The following PPFIA2 variants were observed in gnomAD, a reference collection of about 807,000 sequenced individuals.
PPFIA2 encodes the protein PPFI scaffold protein A2.
A neutral mutation model predicts 175.5 loss-of-function variants in PPFIA2; 46 were observed. That is an observed-to-expected ratio of 0.26 (90% CI 0.21 to 0.34). The LOEUF (loss-of-function observed/expected upper bound fraction) is 0.34, where lower values mean the gene tolerates loss of function less well. Ranked by LOEUF, PPFIA2 falls within the 10% of genes least tolerant of loss-of-function variation. The pLI is 1.00. For missense variants in PPFIA2, 1,179 were observed against 1,506.1 expected, an observed-to-expected ratio of 0.78 and a Z score of 3.60; for synonymous variants, 568 against 511.4, an observed-to-expected ratio of 1.11 and a Z score of -1.49.
At chr12:81,341,593 T>C (rs1176641636) in intron 19 of PPFIA2, among the ~76,000 whole-genome samples, 1 of 152,114 alleles carries the variant, frequency 6.6e-6, no homozygotes, top group Non-Finnish European at 1.5e-5. Context: ...TTAAAGTTCA[T>C]TAGCTATCAT....
At chr12:81,443,840 C>A (rs974460041) in intron 6 of PPFIA2, among the ~76,000 whole-genome samples, 3 of 143,244 alleles carry the variant, frequency 2.1e-5, no homozygotes, top group Non-Finnish European at 1.5e-5. Context: ...CAAATGCCAA[C>A]CTTTCTTTTT....
intron 3 of PPFIA2, among the ~76,000 whole-genome samples, chr12:81,736,943 C>T (rs895427368): frequency 2.6e-5 from 4 of 151,910 alleles, no homozygotes; most frequent in Non-Finnish European, 5.9e-5. Context: ...GGGGGTCTCA[C>T]TTTGTTGCCC....
intron 27 of PPFIA2, among the ~76,000 whole-genome samples, chr12:81,280,922 C>T (rs1334659547): frequency 6.6e-6 from 1 of 151,888 alleles, no homozygotes; most frequent in African/African-American, 2.4e-5. Flanking sequence ...GTTTATTCTT[C>T]CTAATTTTCT....
At chr12:81,448,653 T>A (rs564705450) in intron 5 of PPFIA2, among the ~76,000 whole-genome samples, 31 of 152,322 alleles carry the variant, frequency 2.0e-4, no homozygotes, top group African/African-American at 7.5e-4. Flanking sequence ...TTTTTGTTTG[T>A]TTAGTTTTGT....
chr12:81,486,506 C>T (rs1367986131), intron 4 of PPFIA2, among the ~76,000 whole-genome samples: 2 of 151,764 alleles, frequency 1.3e-5, no homozygotes, highest in Admixed American at 6.6e-5. Context: ...TACAAATTGC[C>T]TTAGGAAAAA....
intron 4 of PPFIA2, among the ~76,000 whole-genome samples, chr12:81,561,899 T>C (rs549790022): frequency 6.6e-6 from 1 of 152,344 alleles, no homozygotes; most frequent in Non-Finnish European, 1.5e-5. Context: ...TAACCATGCA[T>C]CTACCTGGAG....
Position 81,732,515 on chromosome 12 carries a change from A to T in PPFIA2, c.249+21458T>A, listed in dbSNP as rs1360908859. Among the ~76,000 whole-genome samples, 249 of 90,368 alleles carry T rather than the reference A, an allele frequency of 2.8e-3. 4 individuals are homozygous for T. In the East Asian group the frequency reaches 0.034, roughly 12 times the overall value. The allele number at this position is 90,368 out of a possible 152,430, so 59.3% of individuals were successfully genotyped here. On this transcript the variant is annotated intron_variant, in intron 3 of 32. Transcript: ENST00000549396. The stretch of plus-strand genomic sequence containing the variant: ...GAAATATGGATGATGTTTTTTTTTA[A>T]AAAAAAAAAAAAAACACTCACACAC...
intron 4 of PPFIA2, among the ~76,000 whole-genome samples, chr12:81,570,813 T>C (rs2072397727): frequency 6.6e-6 from 1 of 151,486 alleles, no homozygotes. Context: ...TAAAAACAGT[T>C]TCACCATGTC....
intron 4 of PPFIA2, among the ~76,000 whole-genome samples, chr12:81,541,698 G>A (rs181858225): frequency 6.6e-6 from 1 of 152,150 alleles, no homozygotes; most frequent in Admixed American, 6.5e-5. Context: ...ATAGTTCCTT[G>A]AATATTTGGC....
intron 4 of PPFIA2, among the ~76,000 whole-genome samples, chr12:81,486,357 A>G (rs1157274395): frequency 6.6e-6 from 1 of 151,938 alleles, no homozygotes; most frequent in African/African-American, 2.4e-5. Context: ...CTGTACTTCT[A>G]CTTTCATTTT....
Position 81,642,479 on chromosome 12 carries a change from T to C in PPFIA2, c.303+34312A>G, listed in dbSNP as rs554082943. 5.0e-4 allele frequency among the ~76,000 whole-genome samples: 75 copies of C among 150,882 alleles called. No individual in the cohort carries two copies. In the South Asian group the frequency reaches 0.015, roughly 30 times the overall value. ...CTGAAAATATATGCAGTTCCTTCCA[T>C]GTTGCAACTATTGTACTAAAGAATG... is the stretch of plus-strand genomic sequence containing the variant. On this transcript the variant is annotated intron_variant, in intron 4 of 32. Coordinates refer to ENST00000549396, the MANE Select transcript of PPFIA2 (RefSeq NM_003625.5).
chr12:81,493,096 G>A (rs1385469609), intron 4 of PPFIA2, among the ~76,000 whole-genome samples: 1 of 152,048 alleles, frequency 6.6e-6, no homozygotes, highest in Non-Finnish European at 1.5e-5. Flanking sequence ...AAAATTATGA[G>A]AAAAGGTTTG....
chr12:81,356,769 C>T (rs1380757213), intron 16 of PPFIA2, among the ~76,000 whole-genome samples: 1 of 152,146 alleles, frequency 6.6e-6, no homozygotes, highest in Non-Finnish European at 1.5e-5. Flanking sequence ...TTGCTTGAGG[C>T]AAGGTTATCA....
chr12:81,477,239 GA>G (rs1353749115), intron 4 of PPFIA2, among the ~76,000 whole-genome samples: 2 of 151,942 alleles, frequency 1.3e-5, no homozygotes, highest in Non-Finnish European at 2.9e-5. Flanking sequence ...GAAAAAAAAG[GA>G]AATTTAGTCT....
intron 4 of PPFIA2, among the ~76,000 whole-genome samples, chr12:81,618,589 C>A (rs569966578): frequency 7.2e-6 from 1 of 138,828 alleles, no homozygotes; most frequent in East Asian, 2.1e-4. Flanking sequence ...AGTGCAGTGG[C>A]GCGACCTCGG....
At position 81,259,271 on chromosome 12, in the gene PPFIA2, T is replaced by C. The variant is rs985301832; in HGVS notation, c.*423A>G. 1 of 325,900 alleles carries C rather than the reference T, an allele frequency of 3.1e-6. No individual in the cohort carries two copies. Among genetic ancestry groups the C allele is most frequent in the South Asian group, 2.8e-5 (1 of 35,592 alleles). The allele number at this position is 325,900 out of a possible 1,614,324, so 20.2% of individuals were successfully genotyped here. A position where few individuals can be genotyped will look rare whatever the true frequency, so the allele number is the denominator to read the frequency against. On this transcript the variant is annotated 3_prime_UTR_variant, in exon 33 of 33. Coordinates refer to ENST00000549396, the MANE Select transcript of PPFIA2 (RefSeq NM_003625.5). The stretch of plus-strand genomic sequence containing the variant: ...TCAAATGTTTGCACTCGAGACTCCA[T>C]GAACCATATATTTTATTTTTTAAAA...
intron 6 of PPFIA2, among the ~76,000 whole-genome samples, chr12:81,444,485 AAGAATTTTTAT>A (rs1253303842): frequency 1.3e-5 from 2 of 152,138 alleles, no homozygotes; most frequent in Non-Finnish European, 2.9e-5. Flanking sequence ...CATATTTAGC[AAGAATTTTTAT>A]ATAATATTCA....
chr12:81,304,510 T>C (rs1416872569), intron 22 of PPFIA2, among the ~76,000 whole-genome samples: 1 of 152,190 alleles, frequency 6.6e-6, no homozygotes, highest in Non-Finnish European at 1.5e-5. Context: ...GGCAGTAAAG[T>C]AGGCAATGCT....
intron 4 of PPFIA2, among the ~76,000 whole-genome samples, chr12:81,458,093 G>C (rs538009010): frequency 6.6e-6 from 1 of 152,076 alleles, no homozygotes; most frequent in Admixed American, 6.6e-5. Context: ...GGTGTATAAA[G>C]TATATTTCAA....
Sources: allele counts gnomAD v4.1 joint callset (sites outside exome capture counted in the v4.1 genomes callset), GRCh38; gene constraint gnomAD v4.1.1; transcripts MANE v1.5; gene names NCBI Gene and HGNC (gene_info 2026-07-23, HGNC 2026-07-21).